Variants in KANK1 observed in about 807,000 individuals in gnomAD.
KANK1 encodes KN motif and ankyrin repeat domains 1.
KANK1 carries 109 observed loss-of-function variants against 106.2 expected under a neutral mutation model. That is an observed-to-expected ratio of 1.03 (90% CI 0.88 to 1.20). KANK1 has a LOEUF of 1.20. Ranked by LOEUF, KANK1 falls within the 50% of genes most tolerant of loss-of-function variation. KANK1 has a pLI of 0.00. For missense variants in KANK1, 2,399 were observed against 1,710.7 expected (o/e 1.40, Z -7.10); for synonymous variants, 873 against 652.2 (o/e 1.34, Z -5.16).
intron 1 of KANK1, among the ~76,000 whole-genome samples, chr9:526,101 T>A (rs2059779371): frequency 6.6e-6 from 1 of 151,744 alleles, no homozygotes. Flanking sequence ...AAAGTAGGAA[T>A]TCTGATTTTA....
chr9:507,559 T>C (rs1200280862), intron 1 of KANK1, among the ~76,000 whole-genome samples: 2 of 146,756 alleles, frequency 1.4e-5, no homozygotes, highest in African/African-American at 5.0e-5. Context: ...CCGGCTAATT[T>C]TTTTTTTTTT....
intron 1 of KANK1, among the ~76,000 whole-genome samples, chr9:587,371 A>G (rs923463706): frequency 6.6e-6 from 1 of 152,206 alleles, no homozygotes; most frequent in African/African-American, 2.4e-5. Context: ...TCTGCAGATT[A>G]AGTCAATAAA....
At chr9:582,331 G>T (rs1033175677) in intron 1 of KANK1, among the ~76,000 whole-genome samples, 2 of 152,116 alleles carry the variant, frequency 1.3e-5, no homozygotes, top group Middle Eastern at 3.2e-3. Context: ...AAACCCATTT[G>T]GAAACCTGTT....
chr9:572,689 T>C (rs2134917557), intron 1 of KANK1, among the ~76,000 whole-genome samples: 1 of 152,282 alleles, frequency 6.6e-6, no homozygotes, highest in Admixed American at 6.5e-5. Flanking sequence ...AGCCACCATG[T>C]CCAGCCCTAC....
At chr9:660,162 C>A in intron 1 of KANK1, 2 of 316,548 alleles carry the variant, frequency 6.3e-6, no homozygotes, top group South Asian at 3.3e-5. Context: ...AAAAAGAAAC[C>A]AATGAAGGCA....
At chr9:744,829 G>C (rs1383033500) in intron 11 of KANK1, 2 of 1,426,294 alleles carry the variant, frequency 1.4e-6, no homozygotes, top group Non-Finnish European at 9.2e-7. Context: ...GCTTCCCATA[G>C]AGGTTTTGAT....
chr9:529,879 GC>G (rs2059980588), intron 1 of KANK1, among the ~76,000 whole-genome samples: 1 of 152,172 alleles, frequency 6.6e-6, no homozygotes, highest in African/African-American at 2.4e-5. Flanking sequence ...TGGAAGCTGT[GC>G]TAACTTATGC....
intron 2 of KANK1, among the ~76,000 whole-genome samples, chr9:684,857 A>T (rs1004708459): frequency 6.6e-6 from 1 of 152,162 alleles, no homozygotes; most frequent in African/African-American, 2.4e-5. Context: ...AAATATTATC[A>T]TAATTCTCAA....
chr9:717,522 G>A lies in KANK1; in HGVS notation c.2698+4058G>A, dbSNP rs1227275473. On this transcript the variant is annotated intron_variant, in intron 3 of 11. Transcript: ENST00000382297. ...ACGAACATTTTTCTAGGATTTGAGAGACAATGTCTTGGTTTTGATGGAATT... is the reference window on the plus strand; with the variant it reads ...ACGAACATTTTTCTAGGATTTGAGAAACAATGTCTTGGTTTTGATGGAATT... Among the ~76,000 whole-genome samples, 4 of 152,262 alleles carry A rather than the reference G, an allele frequency of 2.6e-5. No individual in the cohort carries two copies. The East Asian group carries it at 7.7e-4, about 29-fold the overall frequency.
chr9:737,192 A>G (rs929606312), intron 7 of KANK1, among the ~76,000 whole-genome samples: 13 of 152,132 alleles, frequency 8.5e-5, no homozygotes, highest in African/African-American at 1.4e-4. Context: ...CAGTGTGACA[A>G]CTCCAGAGAA....
chr9:568,029 A>G lies in KANK1; in HGVS notation c.-84+63275A>G, dbSNP rs115499217. On this transcript the variant is annotated intron_variant, in intron 1 of 11. Coordinates refer to ENST00000382297, the MANE Select transcript of KANK1 (RefSeq NM_015158.5). ...TTCTTTGTGCCCATATCAGGTAGCT[A>G]TGATTATCTTCATTTTACAGAGAAG... 2.8e-3 allele frequency among the ~76,000 whole-genome samples: 423 copies of G among 152,040 alleles called. 1 individual carries two copies. The highest frequency in any genetic ancestry group is 9.9e-3 in the African/African-American group (409 of 41,466).
At chr9:684,173 T>C in intron 2 of KANK1, 1 of 985,388 alleles carries the variant, frequency 1.0e-6, no homozygotes, top group South Asian at 4.7e-5. Flanking sequence ...TTATAAGCTT[T>C]CTTGCCCCAA....
intron 2 of KANK1, chr9:687,021 A>ATTTCTTTTGT (rs1818739090): frequency 3.1e-6 from 2 of 645,368 alleles, no homozygotes; most frequent in African/African-American, 4.2e-5. Context: ...ATACTGCTGA[A>ATTTCTTTTGT]TTTCTTTTCT....
chr9:713,535 ATTT>A lies in KANK1; in HGVS notation c.2698+75_2698+77del. 2.0e-6 allele frequency: 3 copies of A among 1,477,444 alleles called. No homozygotes were observed. In the Admixed American group the frequency reaches 7.2e-5, roughly 35 times the overall value. The allele number at this position is 1,477,444 out of a possible 1,614,324, so 91.5% of individuals were successfully genotyped here. On this transcript the variant is annotated intron_variant, in intron 3 of 11. Coordinates refer to ENST00000382297, the MANE Select transcript of KANK1 (RefSeq NM_015158.5). ...AATGTCTTTCCAGAAGCTAAGGATT[ATTT>A]TTTAACTGCTGGAACCATTTTTGGA...
At chr9:533,317 G>T (rs186156102) in intron 1 of KANK1, among the ~76,000 whole-genome samples, 211 of 152,304 alleles carry the variant, frequency 1.4e-3, no homozygotes, top group African/African-American at 5.0e-3. Context: ...ACAGAGTTTA[G>T]ATTTGCCAGT....
chr9:588,510 T>C (rs1824059855), intron 1 of KANK1, among the ~76,000 whole-genome samples: 1 of 152,212 alleles, frequency 6.6e-6, no homozygotes, highest in African/African-American at 2.4e-5. Context: ...CACACCAGTT[T>C]ATAATCTCAG....
At chr9:498,396 A>G (rs906844018) in intron 3 of KANK1, among the ~76,000 whole-genome samples, 3 of 152,192 alleles carry the variant, frequency 2.0e-5, no homozygotes, top group African/African-American at 4.8e-5. Flanking sequence ...TTCTGAGACA[A>G]TGGACACAAG....
chr9:700,184 A>T (rs1822301569), intron 2 of KANK1, among the ~76,000 whole-genome samples: 1 of 152,228 alleles, frequency 6.6e-6, no homozygotes, highest in African/African-American at 2.4e-5. Context: ...AGGCTTAAAA[A>T]CAACTCTTTG....
chr9:687,934 TTAG>T (rs142465622), intron 2 of KANK1, among the ~76,000 whole-genome samples: 1 of 152,336 alleles, frequency 6.6e-6, no homozygotes, highest in Non-Finnish European at 1.5e-5. Flanking sequence ...AATGCCTTGC[TTAG>T]TAGTCCTTGT....
Sources: gnomAD v4.1 joint callset for allele counts (sites outside exome capture counted in the v4.1 genomes callset) on GRCh38, gnomAD v4.1.1 for gene constraint, MANE v1.5 for transcripts, NCBI Gene and HGNC (gene_info 2026-07-23, HGNC 2026-07-21) for gene names.